The following HMGB1 variants were observed in gnomAD, a reference collection of about 807,000 sequenced individuals.
HMGB1 encodes the protein high mobility group box 1.
For synonymous variants in HMGB1, 81 were observed against 84.0 expected (o/e 0.96, Z 0.19); for missense variants, 79 against 253.5 (o/e 0.31, Z 4.67).
chr13:30,538,666 TTC>T (rs1491454847), intron 1 of HMGB1, among the ~76,000 whole-genome samples: 2 of 12,574 alleles, frequency 1.6e-4, no homozygotes, highest in African/African-American at 5.0e-4. Context: ...TTTCTTTCCT[TTC>T]TTTCTTTCTT....
chr13:30,483,005 G>T (rs1450231801), intron 1 of HMGB1, among the ~76,000 whole-genome samples: 3 of 151,614 alleles, frequency 2.0e-5, no homozygotes, highest in African/African-American at 7.3e-5. Context: ...TGTTGCCCAG[G>T]CTGGTCCCGA....
chr13:30,519,511 C>T (rs1334783856), intron 1 of HMGB1, among the ~76,000 whole-genome samples: 2 of 147,758 alleles, frequency 1.4e-5, no homozygotes, highest in Non-Finnish European at 3.0e-5. Context: ...CCGGCTAACA[C>T]AGTGAAACCC....
At chr13:30,604,335 G>A (rs527694271) in intron 1 of HMGB1, among the ~76,000 whole-genome samples, 10 of 152,286 alleles carry the variant, frequency 6.6e-5, no homozygotes, top group Middle Eastern at 3.4e-3. Flanking sequence ...GGCGGTGAGA[G>A]GAAGCAGAAA....
chr13:30,575,248 T>G (rs1454851280), intron 1 of HMGB1, among the ~76,000 whole-genome samples: 1 of 152,200 alleles, frequency 6.6e-6, no homozygotes, highest in Non-Finnish European at 1.5e-5. Flanking sequence ...TCAGTTTGTG[T>G]TTTTTAAAAT....
At chr13:30,549,633 G>T (rs1288839254) in intron 1 of HMGB1, among the ~76,000 whole-genome samples, 1 of 152,000 alleles carries the variant, frequency 6.6e-6, no homozygotes, top group Non-Finnish European at 1.5e-5. Context: ...GGCCTCAACA[G>T]ACCCTCCTGC....
intron 1 of HMGB1, among the ~76,000 whole-genome samples, chr13:30,511,088 T>C (rs1887981964): frequency 6.6e-6 from 1 of 152,154 alleles, no homozygotes; most frequent in Non-Finnish European, 1.5e-5. Flanking sequence ...ACAGTGCTTA[T>C]AAACACACAC....
At chr13:30,506,594 C>T (rs772842807) in intron 1 of HMGB1, among the ~76,000 whole-genome samples, 25 of 152,160 alleles carry the variant, frequency 1.6e-4, no homozygotes, top group East Asian at 1.9e-4. Flanking sequence ...TCTGCCTCTC[C>T]GCGGGCACTT....
chr13:30,541,314 C>T (rs1417101548), intron 1 of HMGB1, among the ~76,000 whole-genome samples: 1 of 146,436 alleles, frequency 6.8e-6, no homozygotes, highest in African/African-American at 2.7e-5. Context: ...GGCAACGTAG[C>T]GAGACTCCAT....
chr13:30,600,213 C>A (rs988615045), intron 1 of HMGB1, among the ~76,000 whole-genome samples: 2 of 152,166 alleles, frequency 1.3e-5, no homozygotes, highest in African/African-American at 2.4e-5. Context: ...TGTAAATAAT[C>A]TCTGGCAGAG....
chr13:30,531,665 C>A (rs1888499557), intron 1 of HMGB1, among the ~76,000 whole-genome samples: 1 of 151,610 alleles, frequency 6.6e-6, no homozygotes, highest in African/African-American at 2.4e-5. Flanking sequence ...TTTGGGAGGC[C>A]GAGGTGGGCG....
upstream of HMGB1, among the ~76,000 whole-genome samples, chr13:30,466,179 T>C (rs1218047245): frequency 1.3e-5 from 2 of 152,104 alleles, no homozygotes; most frequent in East Asian, 1.9e-4. Flanking sequence ...CTATGGTGTA[T>C]GTGTGCATGT....
intron 1 of HMGB1, among the ~76,000 whole-genome samples, chr13:30,532,110 G>A (rs1359154196): frequency 3.3e-5 from 5 of 151,804 alleles, no homozygotes; most frequent in East Asian, 1.9e-4. Context: ...AGGCCGAGGC[G>A]AGCAGATCAC....
intron 1 of HMGB1, among the ~76,000 whole-genome samples, chr13:30,567,498 C>T (rs1457711078): frequency 6.6e-6 from 1 of 151,980 alleles, no homozygotes; most frequent in Non-Finnish European, 1.5e-5. Context: ...TACAGGTGTG[C>T]ACCCCCACAC....
chr13:30,493,522 C>T (rs984106493), intron 1 of HMGB1, among the ~76,000 whole-genome samples: 6 of 152,114 alleles, frequency 3.9e-5, no homozygotes, highest in East Asian at 3.8e-4. Flanking sequence ...TGGCTGTGTG[C>T]AGTGGCTCAC....
intron 1 of HMGB1, among the ~76,000 whole-genome samples, chr13:30,502,186 C>A (rs1887748545): frequency 6.6e-6 from 1 of 152,116 alleles, no homozygotes. Context: ...ATTATGTACT[C>A]CACTTGGGTT....
chr13:30,541,114 C>G (rs888155908), intron 1 of HMGB1: 4 of 152,162 alleles, frequency 2.6e-5, no homozygotes, highest in African/African-American at 9.7e-5. Context: ...ATTTAGATTT[C>G]CTAGCATTTT....
chr13:30,613,570 ATTTG>A (rs1219300468), intron 1 of HMGB1, among the ~76,000 whole-genome samples: 127 of 152,250 alleles, frequency 8.3e-4, no homozygotes, highest in African/African-American at 2.2e-3. Context: ...TTAAAGATTT[ATTTG>A]TTTGTTTGTT....
chr13:30,499,283 G>A (rs950766168), intron 1 of HMGB1, among the ~76,000 whole-genome samples: 8 of 152,036 alleles, frequency 5.3e-5, no homozygotes, highest in South Asian at 2.1e-4. Context: ...CAAATTCTTC[G>A]CCCCGAAGAT....
chr13:30,481,785 T>G (rs1887233650), intron 1 of HMGB1, among the ~76,000 whole-genome samples: 1 of 152,160 alleles, frequency 6.6e-6, no homozygotes, highest in African/African-American at 2.4e-5. Context: ...CCAGGAAGCT[T>G]CTGTCTTACT....
Sources: gnomAD v4.1 joint callset for allele counts (sites outside exome capture counted in the v4.1 genomes callset) on GRCh38, gnomAD v4.1.1 for gene constraint, MANE v1.5 for transcripts, NCBI Gene and HGNC (gene_info 2026-07-23, HGNC 2026-07-21) for gene names.